The following RTBDN variants were observed in gnomAD, a reference collection of about 807,000 sequenced individuals.
RTBDN encodes the protein retbindin.
RTBDN carries 24 observed loss-of-function variants against 21.9 expected under a neutral mutation model. That is an observed-to-expected ratio of 1.10 (90% CI 0.79 to 1.54). The LOEUF (loss-of-function observed/expected upper bound fraction) is 1.54. Ranked by LOEUF, RTBDN falls within the 40% of genes most tolerant of loss-of-function variation. The pLI is 0.00. For missense variants in RTBDN, 325 were observed against 315.2 expected, an observed-to-expected ratio of 1.03 and a Z score of -0.23; for synonymous variants, 141 against 125.9, an observed-to-expected ratio of 1.12 and a Z score of -0.80.
upstream of RTBDN, chr19:12,835,282 A>G: frequency 4.8e-6 from 3 of 625,266 alleles, no homozygotes; most frequent in South Asian, 5.5e-5. Context: ...CGATCTCCGG[A>G]GCCTAGGCCT....
upstream of RTBDN, chr19:12,835,168 GA>G: frequency 6.8e-7 from 1 of 1,479,852 alleles, no homozygotes; most frequent in Non-Finnish European, 9.4e-7. Flanking sequence ...AGTGCAGCAG[GA>G]AAAATGGTGA....
At chr19:12,829,769 G>A in intron 2 of RTBDN, 42 bp downstream of exon 2, 1 of 1,577,396 alleles carries the variant, frequency 6.3e-7, no homozygotes, top group African/African-American at 1.3e-5. Flanking sequence ...GTAGGTGTGG[G>A]TTTCTGGGTG....
At chr19:12,826,047 C>A in intron 5 of RTBDN, 114 bp from the exon 6 acceptor site, 1 of 1,423,202 alleles carries the variant, frequency 7.0e-7, no homozygotes, top group Non-Finnish European at 9.2e-7. Context: ...AGAGCCGGAG[C>A]GTGCGGCCTG....
In RTBDN at chr19:12,829,933, A is replaced by C; in HGVS notation, c.47T>G (p.Leu16Arg). ...HMRPIGLTWV[L>R]QLTLAWILLE... is the part of the protein sequence containing the mutation. ...CAGGATCCATGCCAAGGTCAGTTGC[A>C]GCACCCACGTCAGGCCGATGGGTCG... The change falls in exon 2 of 6, where the codon CTG (leucine) becomes CGG (arginine). Residue 16 changes from leucine to arginine, a missense_variant. Transcript: ENST00000674343. The C allele has an allele frequency of 6.2e-7, 1 of 1,614,154 alleles. No individual in the cohort carries two copies. The highest frequency in any genetic ancestry group is 1.7e-5 in the Admixed American group (1 of 60,024).
At position 12,825,811 on chromosome 19, in the gene RTBDN, T is replaced by C; in HGVS notation, c.585A>G (p.Gly195=). ...SISAVPRPRP[G]RRGREAPSRR... ...GGGAGGGAGCTTCCCGGCCCCGTCGTCCTGGTCTGGGACGAGGTACCGCGG... is the reference window on the plus strand; with the variant it reads ...GGGAGGGAGCTTCCCGGCCCCGTCGCCCTGGTCTGGGACGAGGTACCGCGG... Residue 195 remains glycine (G), a synonymous_variant, in exon 6 of 6, where the codon GGA becomes GGG. Transcript: ENST00000674343. 6.2e-7 allele frequency: 1 copy of C among 1,612,864 alleles called. No individual in the cohort carries two copies. The highest frequency in any genetic ancestry group is 8.5e-7 in the Non-Finnish European group (1 of 1,179,370).
rs1459543330 is a variant in RTBDN at position 12,834,420 on chromosome 19, G to A, written c.-19+69C>T. 2.9e-5 allele frequency: 36 copies of A among 1,240,600 alleles called. No homozygotes were observed. Among genetic ancestry groups the A allele is most frequent in the Non-Finnish European group, 4.1e-5 (36 of 882,768 alleles). 76.8% of individuals were successfully genotyped at this position (1,240,600 alleles called of 1,614,324 possible). A position where few individuals can be genotyped will look rare whatever the true frequency, so the allele number is the denominator to read the frequency against. On this transcript the variant is annotated intron_variant, in intron 1 of 5. Transcript: ENST00000674343. This position sits in a 1 kb window ranked among gnomAD's most constrained non-coding sequence, Gnocchi z 4.7. ...CTGGAGGCGTAAACATGTTTGTGCG[G>A]CAACCTCGCCCCTCACCACCCCAGG...
intron 5 of RTBDN, 93 bp downstream of exon 5, chr19:12,826,682 G>A (rs1231968101): frequency 5.1e-6 from 5 of 985,126 alleles, no homozygotes; most frequent in Non-Finnish European, 7.6e-6. Flanking sequence ...TGACAAGAAT[G>A]AAACTCCGTC....
rs187607740 is a variant in RTBDN at position 12,832,169 on chromosome 19, T to G, written c.-18-2172A>C. On this transcript the variant is annotated intron_variant, in intron 1 of 5. Transcript: ENST00000674343. Reference sequence around the variant, plus strand: ...TTGCAGAGTATGTTCGAATAAATGTTTGTGTGTCTGTGTTTACTGAATATG... The same window carrying G: ...TTGCAGAGTATGTTCGAATAAATGTGTGTGTGTCTGTGTTTACTGAATATG... Among the ~76,000 whole-genome samples, 5 of 152,324 alleles carry G rather than the reference T, an allele frequency of 3.3e-5. No individual in the cohort carries two copies. The East Asian group carries it at 9.6e-4, about 29-fold the overall frequency.
At chr19:12,832,169 TTG>T (rs1969598196) in intron 1 of RTBDN, among the ~76,000 whole-genome samples, 1 of 152,206 alleles carries the variant, frequency 6.6e-6, no homozygotes, top group African/African-American at 2.4e-5. Flanking sequence ...GAATAAATGT[TTG>T]TGTGTCTGTG....
upstream of RTBDN, chr19:12,835,143 G>A (rs778555117): frequency 6.2e-7 from 1 of 1,604,760 alleles, no homozygotes; most frequent in South Asian, 1.1e-5. Context: ...GAAGGCCAAG[G>A]GGAGCTGATT....
chr19:12,827,641 A>G (rs1342871070), intron 4 of RTBDN, among the ~76,000 whole-genome samples: 2 of 151,832 alleles, frequency 1.3e-5, no homozygotes, highest in Non-Finnish European at 2.9e-5. Flanking sequence ...ATTAATTTTT[A>G]AATTTTTTGT....
Position 12,830,402 on chromosome 19 carries a change from T to C in RTBDN, c.-18-405A>G. ...TCTTCTATGCGGCCTCCCTCCTCCC[T>C]CTCTCGCTCCCTGCCGGCCCTTCTC... On this transcript the variant is annotated intron_variant, in intron 1 of 5. Transcript: ENST00000674343. The surrounding 1 kb of genome is among the most constrained non-coding windows in gnomAD (Gnocchi z 4.2). The C allele has an allele frequency of 7.1e-6, 7 of 990,910 alleles. No homozygotes were observed. Among genetic ancestry groups the C allele is most frequent in the Non-Finnish European group, 8.4e-6 (7 of 833,708 alleles). 61.4% of individuals were successfully genotyped at this position (990,910 alleles called of 1,614,324 possible). A position where few individuals can be genotyped will look rare whatever the true frequency, so the allele number is the denominator to read the frequency against.
chr19:12,826,648 C>T lies in RTBDN; in HGVS notation c.462+127G>A, dbSNP rs531799020. On this transcript the variant is annotated intron_variant, in intron 5 of 5. Coordinates refer to ENST00000674343, the MANE Select transcript of RTBDN (RefSeq NM_001270441.2). ...GGCGGAGGTTGCATCGAGCTGAGATCGCGCCACTGCACTCCAGCCTGGGTG... is the reference window on the plus strand; with the variant it reads ...GGCGGAGGTTGCATCGAGCTGAGATTGCGCCACTGCACTCCAGCCTGGGTG... 3.0e-4 allele frequency: 228 copies of T among 756,902 alleles called. 2 individuals are homozygous for T. The East Asian group carries it at 4.8e-3, about 16-fold the overall frequency. 46.9% of individuals were successfully genotyped at this position (756,902 alleles called of 1,614,324 possible). A position where few individuals can be genotyped will look rare whatever the true frequency, so the allele number is the denominator to read the frequency against.
chr19:12,827,100 G>C (rs941807577), intron 4 of RTBDN, among the ~76,000 whole-genome samples: 1 of 152,022 alleles, frequency 6.6e-6, no homozygotes, highest in Admixed American at 6.6e-5. Flanking sequence ...TGTCCCTACA[G>C]ACCTCAGACC....
At chr19:12,826,570 T>C in intron 5 of RTBDN, 1 of 706,216 alleles carries the variant, frequency 1.4e-6, no homozygotes, top group Non-Finnish European at 2.2e-6. Context: ...GGCATGCGCC[T>C]GAAATCCCAG....
At chr19:12,833,849 AGCCGCCGCC>A (rs941102978) in intron 1 of RTBDN, 310 of 172,044 alleles carry the variant, frequency 1.8e-3, no homozygotes, top group African/African-American at 8.7e-3. Context: ...CCCTCCCCTC[AGCCGCCGCC>A]GCCGCCGCCG....
rs537117488 is a variant in RTBDN at position 12,825,921 on chromosome 19, C to T, written c.475G>A (p.Gly159Arg). 88 of 1,589,232 alleles carry T rather than the reference C, an allele frequency of 5.5e-5. 1 individual carries two copies. The South Asian group carries it at 9.1e-4, about 16-fold the overall frequency. ...CLTYGQTFAD[G>R]TDLCRSALGH... The stretch of plus-strand genomic sequence containing the variant: ...AGAGCCGAGCGACAAAGGTCCGTCC[C>T]GTCTGCGAAGGTCTAGGAAAAAGTG... Residue 159 changes from glycine (G) to arginine (R), a missense_variant, in exon 6 of 6, where the codon GGG becomes AGG. By Grantham distance (125) the Gly-to-Arg change is moderately radical. Transcript: ENST00000674343.
In RTBDN at chr19:12,828,769, T is replaced by C; in HGVS notation, c.255-2A>G. 2 of 1,614,194 alleles carry C rather than the reference T, an allele frequency of 1.2e-6. No homozygotes were observed. Among genetic ancestry groups the C allele is most frequent in the Admixed American group, 1.7e-5 (1 of 60,016 alleles). On this transcript the variant is annotated splice_acceptor_variant, in intron 3 of 5. Transcript: ENST00000674343. LOFTEE classifies it high-confidence loss of function. ...AGGTGTTCCAGGAAGGATTCGCATCTGGACGTTGGGAGAGATAGGGTCGGA... is the reference window on the plus strand; with the variant it reads ...AGGTGTTCCAGGAAGGATTCGCATCCGGACGTTGGGAGAGATAGGGTCGGA...
chr19:12,827,954 G>A (rs1385463515), intron 4 of RTBDN, among the ~76,000 whole-genome samples: 4 of 151,488 alleles, frequency 2.6e-5, no homozygotes, highest in Admixed American at 6.6e-5. Context: ...TTAGCCGGGC[G>A]TGGTGGCGGA....
Sources: allele counts gnomAD v4.1 joint callset (sites outside exome capture counted in the v4.1 genomes callset), GRCh38; gene constraint gnomAD v4.1.1; non-coding constraint Gnocchi (gnomAD v3.1); transcripts MANE v1.5; gene names NCBI Gene and HGNC (gene_info 2026-07-23, HGNC 2026-07-21).